The following ATP9A variants were observed in gnomAD, a reference collection of about 807,000 sequenced individuals.
ATP9A encodes the protein ATPase phospholipid transporting 9A.
Under a neutral mutation model 144.1 loss-of-function variants are expected in ATP9A, and 52 were observed. The ratio of observed to expected loss-of-function variants is 0.36; its 90% CI spans 0.29 to 0.45. ATP9A has a LOEUF of 0.45. ATP9A is among the 20% of genes least tolerant of loss of function. The pLI is 1.00. For synonymous variants in ATP9A, 582 were observed against 557.4 expected, an observed-to-expected ratio of 1.04 and a Z score of -0.62; for missense variants, 947 against 1,392.7, an observed-to-expected ratio of 0.68 and a Z score of 5.09.
intron 9 of ATP9A, among the ~76,000 whole-genome samples, chr20:51,684,345 C>T (rs1311947803): frequency 2.0e-5 from 3 of 152,084 alleles, no homozygotes; most frequent in African/African-American, 4.8e-5. Flanking sequence ...TTTTTAAAAA[C>T]CAACCTATAA....
chr20:51,648,691 G>A (rs1247945560), intron 14 of ATP9A, among the ~76,000 whole-genome samples: 1 of 152,062 alleles, frequency 6.6e-6, no homozygotes, highest in Non-Finnish European at 1.5e-5. Context: ...AATTATCCAG[G>A]TGTGGTGGTG....
At chr20:51,694,265 G>A (rs2077561141) in intron 6 of ATP9A, among the ~76,000 whole-genome samples, 163 bp from the exon 7 acceptor site, 1 of 152,072 alleles carries the variant, frequency 6.6e-6, no homozygotes, top group African/African-American at 2.4e-5. Context: ...AATAAGCTCT[G>A]GGGTCAAAAA....
intron 3 of ATP9A, among the ~76,000 whole-genome samples, chr20:51,713,331 C>T (rs1471711793): frequency 6.6e-6 from 1 of 152,206 alleles, no homozygotes; most frequent in Non-Finnish European, 1.5e-5. Flanking sequence ...CACACAAGCA[C>T]GTCCACATTC....
chr20:51,611,380 A>ATT lies in ATP9A; in HGVS notation c.2572-1216_2572-1215insAA. On this transcript the variant is annotated intron_variant, in intron 23 of 27. Transcript: ENST00000338821. The surrounding 1 kb of genome is among the most constrained non-coding windows in gnomAD (Gnocchi z 4.2). ...GCTGCTTAGGAAGGATGGTTGTAAA[A>ATT]ATGTCAAGAATCTGTTGTTTATTTT... Among the ~76,000 whole-genome samples, 1 of 152,226 alleles carries ATT rather than the reference A, an allele frequency of 6.6e-6. No homozygotes were observed. Among genetic ancestry groups the ATT allele is most frequent in the Non-Finnish European group, 1.5e-5 (1 of 68,030 alleles).
chr20:51,620,885 C>T (rs571765440), intron 19 of ATP9A, among the ~76,000 whole-genome samples: 10 of 152,198 alleles, frequency 6.6e-5, no homozygotes, highest in South Asian at 2.1e-4. Context: ...CGGTGGCTCA[C>T]GCCTGTAATC....
chr20:51,661,611 A>G (rs888375331), intron 13 of ATP9A, among the ~76,000 whole-genome samples: 1 of 147,592 alleles, frequency 6.8e-6, no homozygotes, highest in Non-Finnish European at 1.5e-5. Context: ...GCTCAAGTCA[A>G]CCTCCCGCCT....
intron 9 of ATP9A, among the ~76,000 whole-genome samples, chr20:51,684,695 C>CAA (rs34692104): frequency 1.2e-3 from 117 of 94,540 alleles, no homozygotes; most frequent in African/African-American, 2.6e-3. Flanking sequence ...GACTCTGTCT[C>CAA]AAAAAAAAAA....
At chr20:51,709,145 G>A (rs2077626900) in intron 4 of ATP9A, among the ~76,000 whole-genome samples, 1 of 152,148 alleles carries the variant, frequency 6.6e-6, no homozygotes, top group African/African-American at 2.4e-5. Flanking sequence ...GCACAAAAGG[G>A]AATGTCTGCA....
chr20:51,690,094 A>T (rs1241831684), intron 8 of ATP9A, among the ~76,000 whole-genome samples: 1 of 136,472 alleles, frequency 7.3e-6, no homozygotes, highest in Non-Finnish European at 1.5e-5. Context: ...CCTAGGCGAC[A>T]GAAGGAGACC....
intron 1 of ATP9A, among the ~76,000 whole-genome samples, chr20:51,742,674 C>T (rs1176299374): frequency 6.6e-6 from 1 of 152,168 alleles, no homozygotes; most frequent in Non-Finnish European, 1.5e-5. Flanking sequence ...ACCACCACGC[C>T]CAGCTAACTT....
At chr20:51,627,299 A>T (rs1352233907) in intron 17 of ATP9A, among the ~76,000 whole-genome samples, 1 of 152,140 alleles carries the variant, frequency 6.6e-6, no homozygotes, top group Non-Finnish European at 1.5e-5. Context: ...GAACAAAGTG[A>T]AATGGTATGA....
At chr20:51,726,006 T>C in intron 2 of ATP9A, 74 bp from the exon 3 acceptor site, 1 of 940,802 alleles carries the variant, frequency 1.1e-6, no homozygotes, top group Non-Finnish European at 1.7e-6. Flanking sequence ...TGGTGGGAAA[T>C]GAATAACATC....
chr20:51,715,479 C>T (rs1601122645), intron 3 of ATP9A, among the ~76,000 whole-genome samples: 1 of 152,058 alleles, frequency 6.6e-6, no homozygotes, highest in Non-Finnish European at 1.5e-5. Flanking sequence ...TTTGTTTTTT[C>T]GAATGTTCCA....
At chr20:51,603,232 A>G (rs1237101480) in intron 27 of ATP9A, among the ~76,000 whole-genome samples, 13 of 152,342 alleles carry the variant, frequency 8.5e-5, no homozygotes, top group Admixed American at 8.5e-4. Flanking sequence ...CAGACAGAAA[A>G]TTAAATGCTC....
chr20:51,675,949 T>C (rs186829458), intron 10 of ATP9A, among the ~76,000 whole-genome samples, 183 bp downstream of exon 10: 1 of 151,336 alleles, frequency 6.6e-6, no homozygotes, highest in African/African-American at 2.4e-5. Context: ...CATATTTACG[T>C]ACTGTATTAT....
rs1394696962 is a variant in ATP9A, at chr20:51,618,726, G to A, written c.2286C>T (p.Pro762=). ...CPAVVCCRCA[P]TQKAQIVRLL... is the part of the protein sequence containing the mutation. ...GGCGCACGATCTGGGCCTTCTGGGT[G>A]GGGGCACATCGGCAGCAGACTACGG... The change falls in exon 21 of 28, where the codon CCC becomes CCT. Residue 762 remains proline (P), a synonymous_variant. Transcript: ENST00000338821. 1.2e-6 allele frequency: 2 copies of A among 1,613,022 alleles called. No homozygotes were observed. The highest frequency in any genetic ancestry group is 1.7e-6 in the Non-Finnish European group (2 of 1,179,646).
At chr20:51,625,455 C>G in intron 17 of ATP9A, 93 bp from the exon 18 acceptor site, 5 of 1,423,570 alleles carry the variant, frequency 3.5e-6, no homozygotes, top group Non-Finnish European at 4.7e-6. Context: ...ACACCCGATC[C>G]CCACCACACG....
In ATP9A at chr20:51,667,094, C is replaced by T. The variant is rs140626968; in HGVS notation, c.1293+2903G>A. Among the ~76,000 whole-genome samples, 660 of 152,200 alleles carry T rather than the reference C, an allele frequency of 4.3e-3. 8 individuals carry two copies. The highest frequency in any genetic ancestry group is 0.015 in the African/African-American group (622 of 41,526). On this transcript the variant is annotated intron_variant, in intron 13 of 27. Coordinates refer to ENST00000338821, the MANE Select transcript of ATP9A (RefSeq NM_006045.3). Reference sequence around the variant, plus strand: ...CACACAGCTGTGTCAGACTCAAGGCCGGGATGGGCAAACTGATTTATGAGC... The same window carrying T: ...CACACAGCTGTGTCAGACTCAAGGCTGGGATGGGCAAACTGATTTATGAGC...
At chr20:51,737,551 G>A (rs1341211964) in intron 1 of ATP9A, among the ~76,000 whole-genome samples, 1 of 152,288 alleles carries the variant, frequency 6.6e-6, no homozygotes, top group South Asian at 2.1e-4. Flanking sequence ...GGACTAAGAA[G>A]CGTATTCACA....
Sources: gnomAD v4.1 joint callset for allele counts (sites outside exome capture counted in the v4.1 genomes callset) on GRCh38, gnomAD v4.1.1 for gene constraint, Gnocchi (gnomAD v3.1) non-coding constraint, MANE v1.5 for transcripts, NCBI Gene and HGNC (gene_info 2026-07-23, HGNC 2026-07-21) for gene names.